Variants in EPG5 observed in about 807,000 individuals in gnomAD.
EPG5 encodes ectopic P granules protein 5 homolog.
A neutral mutation model predicts 302.7 loss-of-function variants in EPG5; 159 were observed. That is an observed-to-expected ratio of 0.53 (90% confidence interval 0.46 to 0.60). EPG5 has a LOEUF of 0.60. EPG5 is among the 20% of genes least tolerant of loss of function. The pLI, the probability that EPG5 is intolerant of heterozygous loss-of-function variation, is 0.00. For synonymous variants in EPG5, 1,158 were observed against 1,136.8 expected (o/e 1.02, Z -0.37); for missense variants, 2,896 against 3,092.4 (o/e 0.94, Z 1.51).
intron 7 of EPG5, among the ~76,000 whole-genome samples, chr18:45,944,525 C>G (rs941070555): frequency 3.3e-5 from 5 of 152,108 alleles, no homozygotes; most frequent in Non-Finnish European, 7.4e-5. Flanking sequence ...AAGGCCGAGG[C>G]GGGCAGATCA....
At chr18:45,908,754 G>A (rs1347063781) in intron 23 of EPG5, among the ~76,000 whole-genome samples, 2 of 152,180 alleles carry the variant, frequency 1.3e-5, no homozygotes, top group African/African-American at 2.4e-5. Flanking sequence ...TTCGAGATAA[G>A]CCTGACCAAC....
At chr18:45,888,345 C>T (rs1233395230) in intron 28 of EPG5, among the ~76,000 whole-genome samples, 1 of 151,722 alleles carries the variant, frequency 6.6e-6, no homozygotes, top group African/African-American at 2.4e-5. Flanking sequence ...ACTCTGTCAC[C>T]CAGGCTGGAG....
chr18:45,897,868 CA>C, intron 27 of EPG5, among the ~76,000 whole-genome samples: 1 of 151,668 alleles, frequency 6.6e-6, no homozygotes, highest in East Asian at 1.9e-4. Context: ...TGAAAATTAG[CA>C]AAAAAAGAAG....
intron 39 of EPG5, among the ~76,000 whole-genome samples, chr18:45,865,241 G>C (rs756315468): frequency 1.3e-5 from 2 of 152,190 alleles, no homozygotes; most frequent in Non-Finnish European, 2.9e-5. Context: ...AGTATGTCTA[G>C]TCCACCAAAC....
chr18:45,936,086 G>A (rs2050516364), intron 10 of EPG5, among the ~76,000 whole-genome samples: 1 of 152,150 alleles, frequency 6.6e-6, no homozygotes, highest in African/African-American at 2.4e-5. Flanking sequence ...TAGAGACCAT[G>A]ATTTTGTAGG....
chr18:45,842,003 C>A, the EPG5 span: 1 of 1,077,388 alleles, frequency 9.3e-7, no homozygotes, highest in South Asian at 1.3e-5. Context: ...CCGCACTGCT[C>A]CCCAGAATGT....
intron 28 of EPG5, 100 bp downstream of exon 28, chr18:45,889,698 C>A: frequency 9.3e-7 from 1 of 1,080,476 alleles, no homozygotes; most frequent in African/African-American, 1.6e-5. Context: ...ACTAAATTAA[C>A]CTGTGGGTGC....
chr18:45,891,351 T>G (rs1165262691), intron 27 of EPG5, among the ~76,000 whole-genome samples: 2 of 151,726 alleles, frequency 1.3e-5, no homozygotes, highest in Admixed American at 6.6e-5. Flanking sequence ...ATACAAAAAT[T>G]AACTGGGTGT....
rs1355590250 is a variant in EPG5 at position 45,905,923 on chromosome 18, T to C, written c.4330-1806A>G. On this transcript the variant is annotated intron_variant, in intron 24 of 43. Transcript: ENST00000282041. ...AGGATGGAACTGAACTCAAAGGATG[T>C]CAGGACACCATGGTCTCATGTGTAT... Among the ~76,000 whole-genome samples, 2 of 152,192 alleles carry C rather than the reference T, an allele frequency of 1.3e-5. 1 individual carries two copies. The highest frequency in any genetic ancestry group is 3.8e-4 in the East Asian group (2 of 5,198).
At chr18:45,829,123 TG>T in the EPG5 span, 1 of 985,554 alleles carries the variant, frequency 1.0e-6, no homozygotes, top group Non-Finnish European at 1.2e-6. Flanking sequence ...AGCAGCACTC[TG>T]GGGTGGGCAC....
intron 1 of EPG5, among the ~76,000 whole-genome samples, chr18:45,957,456 A>C (rs2143824701): frequency 6.6e-6 from 1 of 152,338 alleles, no homozygotes; most frequent in African/African-American, 2.4e-5. Context: ...AGCAAGCCCA[A>C]ACTATGCTGC....
chr18:45,883,205 TATA>T (rs936476687), intron 30 of EPG5, among the ~76,000 whole-genome samples: 1 of 152,114 alleles, frequency 6.6e-6, no homozygotes, highest in Non-Finnish European at 1.5e-5. Context: ...ATTTCTGTCT[TATA>T]ATAAGTTTCC....
rs753949479 is a variant in EPG5, at chr18:45,879,228, C to T, written c.5668-14G>A. The stretch of plus-strand genomic sequence containing the variant: ...AGTCTCCATTACCTGGAAGAGACAA[C>T]TAGTCAAAAAATGCTTACTAAATAT... On this transcript the variant is annotated splice_polypyrimidine_tract_variant and intron_variant, in intron 32 of 43. Coordinates refer to ENST00000282041, the MANE Select transcript of EPG5 (RefSeq NM_020964.3). 6.3e-6 allele frequency: 10 copies of T among 1,582,210 alleles called. No homozygotes were observed. Among genetic ancestry groups the T allele is most frequent in the Non-Finnish European group, 6.9e-6 (8 of 1,163,828 alleles).
chr18:45,894,862 A>C (rs1224548310), intron 27 of EPG5, among the ~76,000 whole-genome samples: 7 of 152,240 alleles, frequency 4.6e-5, no homozygotes, highest in Admixed American at 3.3e-4. Context: ...GCTAAGGGTC[A>C]TATTCCTTTT....
At chr18:45,842,327 A>G in the EPG5 span, 31 of 797,470 alleles carry the variant, frequency 3.9e-5, no homozygotes, top group Middle Eastern at 3.4e-4. Context: ...CTCAAGGTCA[A>G]GACCCTGCTC....
At chr18:45,915,420 T>G in intron 20 of EPG5, 91 bp downstream of exon 20, 1 of 904,048 alleles carries the variant, frequency 1.1e-6, no homozygotes, top group Non-Finnish European at 1.8e-6. Context: ...AAATAAAAGT[T>G]AGTTTAGACA....
the EPG5 span, chr18:45,825,636 G>A: frequency 5.6e-5 from 75 of 1,343,310 alleles, no homozygotes; most frequent in Admixed American, 1.9e-4. Flanking sequence ...GCCCACCCCC[G>A]CCCGCCTTCC....
the EPG5 span, among the ~76,000 whole-genome samples, chr18:45,826,980 T>C: frequency 6.6e-6 from 1 of 152,178 alleles, no homozygotes; most frequent in Non-Finnish European, 1.5e-5. Context: ...AGTGGCGCAA[T>C]CTCAGCTCAC....
intron 16 of EPG5, among the ~76,000 whole-genome samples, chr18:45,921,322 T>A (rs1333256802): frequency 6.6e-6 from 1 of 152,018 alleles, no homozygotes; most frequent in Non-Finnish European, 1.5e-5. Context: ...TTACAGTGAG[T>A]CTAAAACATA....
Sources: allele counts gnomAD v4.1 joint callset (sites outside exome capture counted in the v4.1 genomes callset), GRCh38; gene constraint gnomAD v4.1.1; transcripts MANE v1.5; gene names NCBI Gene and HGNC (gene_info 2026-07-23, HGNC 2026-07-21).